The following FOXN2 variants were observed in gnomAD, a reference collection of about 807,000 sequenced individuals.
FOXN2 encodes the protein forkhead box N2.
A neutral mutation model predicts 41.2 loss-of-function variants in FOXN2; 19 were observed. The observed-to-expected ratio is 0.46, with a 90% confidence interval of 0.32 to 0.68. FOXN2 has a LOEUF of 0.68. Ranked by LOEUF, FOXN2 falls within the 30% of genes least tolerant of loss-of-function variation. The probability of loss-of-function intolerance (pLI) is 0.03; values close to 1 mark genes in which losing one functional copy is unlikely to be tolerated. For synonymous variants in FOXN2, 195 were observed against 176.8 expected (o/e 1.10, Z -0.82); for missense variants, 587 against 509.4 (o/e 1.15, Z -1.47).
chr2:48,356,302 A>T (rs965064963), intron 3 of FOXN2, among the ~76,000 whole-genome samples: 1 of 151,998 alleles, frequency 6.6e-6, no homozygotes, highest in Admixed American at 6.6e-5. Flanking sequence ...TTAGCCGGGC[A>T]TGGTGGTGCA....
chr2:48,351,035 G>A (rs192407085), intron 3 of FOXN2, among the ~76,000 whole-genome samples: 202 of 139,664 alleles, frequency 1.4e-3, no homozygotes, highest in Non-Finnish European at 1.6e-3. Context: ...GCTCAATCTC[G>A]GCCCACTGCA....
intron 5 of FOXN2, among the ~76,000 whole-genome samples, chr2:48,363,245 T>C (rs1291741240): frequency 1.3e-5 from 2 of 152,194 alleles, no homozygotes; most frequent in Non-Finnish European, 2.9e-5. Context: ...TTTGTATCTT[T>C]GTTTTTAACT....
rs1572765827 is a variant in FOXN2 at position 48,362,843 on chromosome 2, G to T, written c.703+136G>T. 1.3e-5 allele frequency: 9 copies of T among 711,718 alleles called. No individual in the cohort carries two copies. The East Asian group carries it at 2.3e-4, about 18-fold the overall frequency. 44.1% of individuals were successfully genotyped at this position (711,718 alleles called of 1,614,324 possible). A position where few individuals can be genotyped will look rare whatever the true frequency, so the allele number is the denominator to read the frequency against. On this transcript the variant is annotated intron_variant, in intron 5 of 6. Transcript: ENST00000340553. ...CTATTGCCTGGTGCCCTGGTAGCTT[G>T]TTGTAACATTGTGGCACAACGCATT...
intron 2 of FOXN2, among the ~76,000 whole-genome samples, chr2:48,341,043 A>C (rs1414781321): frequency 1.3e-5 from 2 of 152,152 alleles, no homozygotes; most frequent in Non-Finnish European, 2.9e-5. Context: ...ATTAGAATAC[A>C]TTTTTTAAAT....
chr2:48,336,455 GTGTA>G lies in FOXN2; in HGVS notation c.-15+7755_-15+7758del, dbSNP rs1434770882. Among the ~76,000 whole-genome samples the G allele has an allele frequency of 2.2e-4, 33 of 148,074 alleles. 1 individual carries two copies. The highest frequency in any genetic ancestry group is 6.6e-4 in the South Asian group (3 of 4,556). On this transcript the variant is annotated intron_variant, in intron 2 of 6. Coordinates refer to ENST00000340553, the MANE Select transcript of FOXN2 (RefSeq NM_002158.4). ...TGTATATGTGTGTGTGTGTGTGTGT[GTGTA>G]TATATATTTATTTATTTACGAGCAG... is the stretch of plus-strand genomic sequence containing the variant.
At chr2:48,325,173 A>G (rs1215028958) in intron 1 of FOXN2, among the ~76,000 whole-genome samples, 1 of 152,186 alleles carries the variant, frequency 6.6e-6, no homozygotes, top group Non-Finnish European at 1.5e-5. Context: ...CTAGTGTAGC[A>G]GTGAATAGTG....
chr2:48,337,971 C>T (rs1670476846), intron 2 of FOXN2, among the ~76,000 whole-genome samples: 1 of 151,982 alleles, frequency 6.6e-6, no homozygotes, highest in Non-Finnish European at 1.5e-5. Context: ...TTAAACAGTG[C>T]GATTAACAAG....
intron 2 of FOXN2, among the ~76,000 whole-genome samples, chr2:48,332,943 C>G (rs1670105456): frequency 6.6e-6 from 1 of 152,152 alleles, no homozygotes. Context: ...CTTTGGTTCA[C>G]TGTCTCCAGA....
At chr2:48,335,143 G>C (rs1034639956) in intron 2 of FOXN2, among the ~76,000 whole-genome samples, 1 of 152,188 alleles carries the variant, frequency 6.6e-6, no homozygotes, top group African/African-American at 2.4e-5. Context: ...AATCATTTGA[G>C]TCAGATGTGC....
upstream of FOXN2, chr2:48,314,620 G>GGGGAAGGGGA (rs1312097267): frequency 6.6e-6 from 1 of 152,464 alleles, no homozygotes; most frequent in African/African-American, 2.4e-5. Flanking sequence ...CCATGGCAGC[G>GGGGAAGGGGA]GGGAAGGGGA....
At chr2:48,327,550 A>C (rs1171298901) in intron 1 of FOXN2, among the ~76,000 whole-genome samples, 1 of 151,842 alleles carries the variant, frequency 6.6e-6, no homozygotes, top group African/African-American at 2.4e-5. Context: ...GGTTCAAGGG[A>C]TTCTCCTGCC....
At chr2:48,334,281 T>G (rs577885068) in intron 2 of FOXN2, among the ~76,000 whole-genome samples, 1 of 152,226 alleles carries the variant, frequency 6.6e-6, no homozygotes, top group Non-Finnish European at 1.5e-5. Context: ...GCAACACTTG[T>G]GTGGCCTGTA....
At chr2:48,348,473 GT>G (rs1166617395) in intron 3 of FOXN2, among the ~76,000 whole-genome samples, 6 of 151,976 alleles carry the variant, frequency 3.9e-5, no homozygotes, top group Admixed American at 1.3e-4. Flanking sequence ...TCAATATCTG[GT>G]CCATCTCTGG....
At position 48,379,133 on chromosome 2, in the gene FOXN2, C is replaced by T. The variant is rs1009952697; in HGVS notation, c.*3690C>T. 2.6e-5 allele frequency: 4 copies of T among 152,648 alleles called. No homozygotes were observed. Among genetic ancestry groups the T allele is most frequent in the Non-Finnish European group, 5.9e-5 (4 of 68,038 alleles). 9.5% of individuals were successfully genotyped at this position (152,648 alleles called of 1,614,324 possible). ...TAGATGACCAGTCACAAGTGAACCA[C>T]TTCTCAGTTGCCAATCTTTGCTCAT... On this transcript the variant is annotated 3_prime_UTR_variant, in exon 7 of 7. Coordinates refer to ENST00000340553, the MANE Select transcript of FOXN2 (RefSeq NM_002158.4).
At chr2:48,361,337 G>A (rs985269313) in intron 4 of FOXN2, among the ~76,000 whole-genome samples, 1 of 151,774 alleles carries the variant, frequency 6.6e-6, no homozygotes, top group South Asian at 2.1e-4. Context: ...GTGGTGGCAC[G>A]CGCCTGTAAC....
intron 5 of FOXN2, among the ~76,000 whole-genome samples, chr2:48,372,145 A>G (rs1209838586): frequency 6.6e-6 from 1 of 152,144 alleles, no homozygotes; most frequent in African/African-American, 2.4e-5. Context: ...TTCCCCATTC[A>G]GTAAGATATT....
chr2:48,342,827 T>A (rs1022649684), intron 2 of FOXN2, among the ~76,000 whole-genome samples: 1 of 152,182 alleles, frequency 6.6e-6, no homozygotes, highest in Non-Finnish European at 1.5e-5. Context: ...TAAGATAATG[T>A]CAGCACTTGG....
chr2:48,359,622 C>CTTTT (rs57182555), intron 4 of FOXN2, among the ~76,000 whole-genome samples: 4 of 150,090 alleles, frequency 2.7e-5, no homozygotes, highest in East Asian at 2.0e-4. Context: ...CTTTTCTTTT[C>CTTTT]TTTTTTTAAG....
At chr2:48,368,005 G>C (rs1672640312) in intron 5 of FOXN2, among the ~76,000 whole-genome samples, 1 of 152,074 alleles carries the variant, frequency 6.6e-6, no homozygotes, top group South Asian at 2.1e-4. Context: ...ACCTCACCCG[G>C]CTAATTTTTG....
Sources: gnomAD v4.1 joint callset for allele counts (sites outside exome capture counted in the v4.1 genomes callset) on GRCh38, gnomAD v4.1.1 for gene constraint, MANE v1.5 for transcripts, NCBI Gene and HGNC (gene_info 2026-07-23, HGNC 2026-07-21) for gene names.